ARHGEF10L: variants seen among roughly 807,000 people sequenced by gnomAD.
ARHGEF10L encodes the protein Rho guanine nucleotide exchange factor 10 like, also known as rho guanine nucleotide exchange factor 10-like protein.
A neutral mutation model predicts 141.2 loss-of-function variants in ARHGEF10L; 69 were observed. The ratio of observed to expected loss-of-function variants is 0.49; its 90% CI spans 0.40 to 0.60. The LOEUF is 0.60. Ranked by LOEUF, ARHGEF10L falls within the 20% of genes least tolerant of loss-of-function variation. The pLI is 0.00. For synonymous variants in ARHGEF10L, 711 were observed against 718.5 expected (o/e 0.99, Z 0.17); for missense variants, 1,482 against 1,734.3 (o/e 0.85, Z 2.58).
In ARHGEF10L at chr1:17,658,097, C is replaced by T. The variant is rs188300961; in HGVS notation, c.2860+1389C>T. ...GCTTCAGGTGTTTCCTTGCCTGTGG[C>T]AGCAGAACTCCAGCCTCTGCATGGT... is the stretch of plus-strand genomic sequence containing the variant. On this transcript the variant is annotated intron_variant, in intron 25 of 28. Transcript: ENST00000361221. Among the ~76,000 whole-genome samples, 14 of 152,354 alleles carry T rather than the reference C, an allele frequency of 9.2e-5. No homozygotes were observed. In the East Asian group the frequency reaches 2.5e-3, roughly 27 times the overall value.
chr1:17,634,618 T>G, intron 17 of ARHGEF10L, 56 bp downstream of exon 17: 1 of 1,600,712 alleles, frequency 6.2e-7, no homozygotes, highest in South Asian at 1.1e-5. Flanking sequence ...GGGGCTCTGG[T>G]GCCATGTGAT....
intron 26 of ARHGEF10L, among the ~76,000 whole-genome samples, chr1:17,685,510 A>G (rs1366159474): frequency 6.6e-6 from 1 of 152,172 alleles, no homozygotes. Context: ...GTCACCTCCT[A>G]GAGACACCTT....
At chr1:17,523,107 A>G in the ARHGEF10L span, among the ~76,000 whole-genome samples, 2 of 110,372 alleles carry the variant, frequency 1.8e-5, no homozygotes, top group Non-Finnish European at 3.5e-5. Context: ...TTTTTTTGAG[A>G]TGGAGTCTAG....
intron 25 of ARHGEF10L, among the ~76,000 whole-genome samples, chr1:17,663,293 T>C (rs944934652): frequency 1.3e-5 from 2 of 152,172 alleles, no homozygotes; most frequent in Admixed American, 6.5e-5. Flanking sequence ...GGCTCATGCC[T>C]GTAATCCCAG....
Position 17,627,301 on chromosome 1 carries a change from G to A in ARHGEF10L, c.1411-29G>A. On this transcript the variant is annotated intron_variant, in intron 14 of 28. Coordinates refer to ENST00000361221, the MANE Select transcript of ARHGEF10L (RefSeq NM_018125.4). This position sits in a 1 kb window ranked among gnomAD's most constrained non-coding sequence, Gnocchi z 4.0. The stretch of plus-strand genomic sequence containing the variant: ...CTGGGGTAGAGTTGGTCATGGGTGG[G>A]CTGCTCAGTCTCTGCTCTGACCTGG... 1.2e-6 allele frequency: 2 copies of A among 1,604,822 alleles called. No individual in the cohort carries two copies.
intron 4 of ARHGEF10L, among the ~76,000 whole-genome samples, 194 bp from the exon 5 acceptor site, chr1:17,601,933 C>T (rs1307173120): frequency 6.6e-6 from 1 of 152,190 alleles, no homozygotes; most frequent in East Asian, 1.9e-4. Flanking sequence ...GAAGTGCCAG[C>T]CCAACCTTAT....
upstream of ARHGEF10L, among the ~76,000 whole-genome samples, chr1:17,537,854 C>CAAAAAAAAAAAAA (rs10611023): frequency 1.3e-5 from 1 of 79,842 alleles, no homozygotes; most frequent in Non-Finnish European, 2.4e-5. Flanking sequence ...ACCATCTCTA[C>CAAAAAAAAAAAAA]AAAAAAAAAA....
the ARHGEF10L span, among the ~76,000 whole-genome samples, chr1:17,524,455 C>T: frequency 2.0e-5 from 3 of 148,298 alleles, no homozygotes; most frequent in Non-Finnish European, 4.4e-5. Context: ...GCCTGTAGTC[C>T]CAGCTACTCA....
At chr1:17,671,331 C>A (rs1472171529) in intron 26 of ARHGEF10L, among the ~76,000 whole-genome samples, 2 of 152,012 alleles carry the variant, frequency 1.3e-5, no homozygotes, top group Admixed American at 6.5e-5. Flanking sequence ...GGAGTCCCCT[C>A]CCAAGAGAAG....
chr1:17,667,406 T>C (rs1039443977), intron 26 of ARHGEF10L, among the ~76,000 whole-genome samples: 12 of 152,214 alleles, frequency 7.9e-5, no homozygotes, highest in African/African-American at 2.2e-4. Flanking sequence ...TCTAGTCTGA[T>C]GAGGGAGACC....
chr1:17,524,369 A>ACT, the ARHGEF10L span, among the ~76,000 whole-genome samples: 1 of 46,428 alleles, frequency 2.2e-5, no homozygotes, highest in South Asian at 6.4e-4. Flanking sequence ...GTCTCTACAC[A>ACT]CACACACACA....
chr1:17,546,799 C>A (rs16828639), intron 1 of ARHGEF10L, among the ~76,000 whole-genome samples: 1 of 152,130 alleles, frequency 6.6e-6, no homozygotes, highest in Non-Finnish European at 1.5e-5. Flanking sequence ...GGTACCCACA[C>A]GGGCTCCCTA....
At chr1:17,650,751 A>C (rs2061871108) in intron 22 of ARHGEF10L, among the ~76,000 whole-genome samples, 1 of 151,794 alleles carries the variant, frequency 6.6e-6, no homozygotes, top group East Asian at 1.9e-4. Context: ...AAAAAAAAAA[A>C]AAAATGGACC....
the ARHGEF10L span, among the ~76,000 whole-genome samples, chr1:17,530,802 G>A: frequency 2.6e-5 from 4 of 151,964 alleles, no homozygotes; most frequent in Non-Finnish European, 5.9e-5. Context: ...ATCACTTGAG[G>A]TTAGGAGTTC....
intron 14 of ARHGEF10L, 65 bp downstream of exon 14, chr1:17,626,113 TG>T: frequency 6.8e-7 from 1 of 1,471,246 alleles, no homozygotes; most frequent in Non-Finnish European, 9.5e-7. Flanking sequence ...AGGTGCCTCC[TG>T]GGGTAGGAGG....
chr1:17,584,874 CACACA>C (rs1304742977), intron 2 of ARHGEF10L, among the ~76,000 whole-genome samples: 3 of 152,138 alleles, frequency 2.0e-5, no homozygotes, highest in African/African-American at 7.2e-5. Flanking sequence ...CACACACACA[CACACA>C]CCCCTACCCA....
chr1:17,619,471 G>C lies in ARHGEF10L; in HGVS notation c.942+26G>C. 6.5e-7 allele frequency: 1 copy of C among 1,537,416 alleles called. No individual in the cohort carries two copies. Among genetic ancestry groups the C allele is most frequent in the South Asian group, 1.2e-5 (1 of 83,726 alleles). On this transcript the variant is annotated intron_variant, in intron 10 of 28. Coordinates refer to ENST00000361221, the MANE Select transcript of ARHGEF10L (RefSeq NM_018125.4). This position sits in a 1 kb window ranked among gnomAD's most constrained non-coding sequence, Gnocchi z 5.0. The stretch of plus-strand genomic sequence containing the variant: ...GTCTGTGGGGGAGTGGGGCAGGTGG[G>C]GGTCTGCAGGGGAAGGGGTGGCTTG...
At chr1:17,524,364 TACACACACACAC>T in the ARHGEF10L span, among the ~76,000 whole-genome samples, 33,328 of 115,942 alleles carry the variant, frequency 0.29, 5,011 homozygotes, top group Non-Finnish European at 0.35. Context: ...ACCCCGTCTC[TACACACACACAC>T]ACACACACAC....
At chr1:17,643,802 A>G (rs2061446223) in intron 21 of ARHGEF10L, among the ~76,000 whole-genome samples, 1 of 152,184 alleles carries the variant, frequency 6.6e-6, no homozygotes, top group South Asian at 2.1e-4. Context: ...CTCCTAGGTC[A>G]AGGAGTGTCT....
Sources: allele counts gnomAD v4.1 joint callset (sites outside exome capture counted in the v4.1 genomes callset), GRCh38; gene constraint gnomAD v4.1.1; non-coding constraint Gnocchi (gnomAD v3.1); transcripts MANE v1.5; gene names NCBI Gene and HGNC (gene_info 2026-07-23, HGNC 2026-07-21).